RARRES1: variants seen among roughly 807,000 people sequenced by gnomAD.
RARRES1 encodes retinoic acid receptor responder protein 1.
A neutral mutation model predicts 30.6 loss-of-function variants in RARRES1; 34 were observed. The observed-to-expected ratio is 1.11, with a 90% confidence interval of 0.84 to 1.48. The LOEUF (loss-of-function observed/expected upper bound fraction) is 1.48. RARRES1 is among the 40% of genes most tolerant of loss of function. The pLI is 0.00. For synonymous variants in RARRES1, 153 were observed against 155.5 expected (o/e 0.98, Z 0.12); for missense variants, 373 against 386.5 (o/e 0.97, Z 0.29).
At chr3:158,727,804 G>A (rs1377758028) in intron 1 of RARRES1, among the ~76,000 whole-genome samples, 1 of 152,132 alleles carries the variant, frequency 6.6e-6, no homozygotes, top group East Asian at 1.9e-4. Context: ...GGCAGTGAGG[G>A]AACACAAATC....
intron 3 of RARRES1, among the ~76,000 whole-genome samples, chr3:158,708,900 G>A (rs945297804): frequency 2.6e-5 from 4 of 151,998 alleles, no homozygotes; most frequent in African/African-American, 4.8e-5. Context: ...CTCGTGATCC[G>A]CCCGCCTCGG....
chr3:158,703,046 G>A (rs780048057), intron 4 of RARRES1, among the ~76,000 whole-genome samples: 33 of 152,206 alleles, frequency 2.2e-4, no homozygotes, highest in Non-Finnish European at 3.2e-4. Context: ...TGAACAAAAC[G>A]AATTTTTTAA....
In RARRES1 at chr3:158,723,974, A is replaced by G. The variant is rs1211331224; in HGVS notation, c.276+8166T>C. On this transcript the variant is annotated intron_variant, in intron 1 of 5. Transcript: ENST00000237696. This position sits in a 1 kb window ranked among gnomAD's most constrained non-coding sequence, Gnocchi z 4.4. The stretch of plus-strand genomic sequence containing the variant: ...AATGAAGGAGATAGAGACATGATAT[A>G]ATACCTTGCGCCCTGTAGAAGCTGA... Among the ~76,000 whole-genome samples, 1 of 152,216 alleles carries G rather than the reference A, an allele frequency of 6.6e-6. No homozygotes were observed. The highest frequency in any genetic ancestry group is 1.5e-5 in the Non-Finnish European group (1 of 68,038).
chr3:158,724,834 T>G (rs1727632355), intron 1 of RARRES1, among the ~76,000 whole-genome samples: 1 of 152,026 alleles, frequency 6.6e-6, no homozygotes, highest in Non-Finnish European at 1.5e-5. Flanking sequence ...CTTTCTTTTT[T>G]TTTTTTTTCC....
At chr3:158,726,370 A>G (rs934064300) in intron 1 of RARRES1, among the ~76,000 whole-genome samples, 16 of 152,228 alleles carry the variant, frequency 1.1e-4, no homozygotes, top group African/African-American at 3.6e-4. Flanking sequence ...GTGCTCTCCT[A>G]ACTGCCTTGT....
In RARRES1 at chr3:158,710,881, A is replaced by G. The variant is rs1423532684; in HGVS notation, c.392T>C (p.Phe131Ser). The G allele has an allele frequency of 5.0e-6, 8 of 1,614,020 alleles. No homozygotes were observed. The Admixed American group carries it at 6.7e-5, about 13-fold the overall frequency. Residue 131 changes from phenylalanine (F) to serine (S), a missense_variant, in exon 3 of 6, where the codon TTT (phenylalanine) becomes TCT (serine). Coordinates refer to ENST00000237696, the MANE Select transcript of RARRES1 (RefSeq NM_206963.2). ...TGGTCTGGGTTTCTGATTCTTGAAAAACACTCGAGCAGAACATTTCCCCAA... is the reference window on the plus strand; with the variant it reads ...TGGTCTGGGTTTCTGATTCTTGAAAGACACTCGAGCAGAACATTTCCCCAA... Reference protein sequence around the residue: ...GRLGKCSARVFFKNQKPRPTI... With the variant: ...GRLGKCSARVSFKNQKPRPTI...
intron 3 of RARRES1, among the ~76,000 whole-genome samples, chr3:158,709,455 G>T (rs1727039230): frequency 1.3e-5 from 2 of 152,178 alleles, no homozygotes; most frequent in South Asian, 4.1e-4. Context: ...TACAACATGA[G>T]ATTTTAATTG....
rs200944502 is a variant in RARRES1, at chr3:158,697,950, A to T, written c.693T>A (p.Ile231=). ...VRQWKTNDDT[I]DFDYTVLLHE... ...GAAGTAGAACAGTATAATCAAAATC[A>T]ATTGTATCATCATTAGTTTTCTAGA... Residue 231 remains isoleucine, a synonymous_variant, in exon 5 of 6, where the codon ATT becomes ATA. Transcript: ENST00000237696. 35 of 1,533,376 alleles carry T rather than the reference A, an allele frequency of 2.3e-5. No individual in the cohort carries two copies. Among genetic ancestry groups the T allele is most frequent in the Non-Finnish European group, 3.0e-5 (33 of 1,109,556 alleles). 95.0% of individuals were successfully genotyped at this position (1,533,376 alleles called of 1,614,324 possible).
intron 1 of RARRES1, among the ~76,000 whole-genome samples, chr3:158,717,652 T>G (rs994559081): frequency 6.6e-6 from 1 of 152,134 alleles, no homozygotes; most frequent in African/African-American, 2.4e-5. Flanking sequence ...GGAGGGATTT[T>G]GAAAAGATCC....
At chr3:158,708,749 C>CT (rs1727011342) in intron 3 of RARRES1, among the ~76,000 whole-genome samples, 2 of 152,054 alleles carry the variant, frequency 1.3e-5, no homozygotes, top group African/African-American at 4.8e-5. Flanking sequence ...ACTGCAACCT[C>CT]TGACTCCCTG....
At chr3:158,719,729 G>A (rs1727439801) in intron 1 of RARRES1, among the ~76,000 whole-genome samples, 1 of 151,940 alleles carries the variant, frequency 6.6e-6, no homozygotes, top group Non-Finnish European at 1.5e-5. Context: ...TTTGATTTTG[G>A]TTTGATTTGC....
intron 4 of RARRES1, among the ~76,000 whole-genome samples, chr3:158,702,864 C>T (rs1415141647): frequency 6.6e-6 from 1 of 152,130 alleles, no homozygotes; most frequent in Non-Finnish European, 1.5e-5. Flanking sequence ...AAGACATGTT[C>T]ATTTTGATAA....
intron 1 of RARRES1, among the ~76,000 whole-genome samples, chr3:158,716,101 C>T (rs1471668558): frequency 2.6e-5 from 4 of 152,188 alleles, no homozygotes; most frequent in Non-Finnish European, 5.9e-5. Context: ...GCAGAGGAGT[C>T]AGCGACACCC....
intron 4 of RARRES1, chr3:158,698,348 C>T (rs16847123): frequency 0.16 from 29,133 of 178,862 alleles, 2,525 homozygotes; most frequent in South Asian, 0.22. Context: ...CTAGAAGGTC[C>T]ACCATGGGCT....
chr3:158,717,707 CAG>C (rs747767690), intron 1 of RARRES1, among the ~76,000 whole-genome samples: 1 of 152,038 alleles, frequency 6.6e-6, no homozygotes, highest in South Asian at 2.1e-4. Context: ...AGGAGTTGTG[CAG>C]AGTTAATGTA....
At position 158,721,123 on chromosome 3, in the gene RARRES1, G is replaced by A. The variant is rs562832953; in HGVS notation, c.277-7264C>T. On this transcript the variant is annotated intron_variant, in intron 1 of 5. Transcript: ENST00000237696. ...AGGAAGGACTAGGATTAGACAAGCC[G>A]AGAGAGGGAGAGGGTGCTCTGGAAA... Among the ~76,000 whole-genome samples the A allele has an allele frequency of 8.1e-4, 123 of 152,272 alleles. 1 individual carries two copies. In the Middle Eastern group the frequency reaches 0.031, roughly 38 times the overall value.
intron 1 of RARRES1, among the ~76,000 whole-genome samples, chr3:158,718,855 T>G (rs73015632): frequency 0.028 from 4,189 of 152,204 alleles, 181 homozygotes; most frequent in African/African-American, 0.097. Flanking sequence ...TTCAAAGCCG[T>G]GAAAAAAGTA....
intron 1 of RARRES1, among the ~76,000 whole-genome samples, chr3:158,731,425 G>C (rs539250748): frequency 6.6e-6 from 1 of 152,208 alleles, no homozygotes; most frequent in South Asian, 2.1e-4. Flanking sequence ...AGAACGCAAA[G>C]TAGCTTCACA....
rs16829321 is a variant in RARRES1, at chr3:158,707,846, T to G, written c.535+2892A>C. On this transcript the variant is annotated intron_variant, in intron 3 of 5. Coordinates refer to ENST00000237696, the MANE Select transcript of RARRES1 (RefSeq NM_206963.2). ...ATCACCCTTATGTGACATGTATAAGTTTTTTGGTTCCATAATGCTTTCCTG... is the reference window on the plus strand; with the variant it reads ...ATCACCCTTATGTGACATGTATAAGGTTTTTGGTTCCATAATGCTTTCCTG... 8.3e-3 allele frequency among the ~76,000 whole-genome samples: 1,267 copies of G among 152,340 alleles called. 23 individuals are homozygous for G. The highest frequency in any genetic ancestry group is 0.03 in the African/African-American group (1,229 of 41,564).
Sources: gnomAD v4.1 joint callset for allele counts (sites outside exome capture counted in the v4.1 genomes callset) on GRCh38, gnomAD v4.1.1 for gene constraint, Gnocchi (gnomAD v3.1) non-coding constraint, MANE v1.5 for transcripts, NCBI Gene and HGNC (gene_info 2026-07-23, HGNC 2026-07-21) for gene names.